RTL4: variants seen among roughly 807,000 people sequenced by gnomAD.
The protein encoded by RTL4 is retrotransposon Gag-like protein 4.
Under a neutral mutation model 5.3 loss-of-function variants are expected in RTL4, and 4 were observed. The ratio of observed to expected loss-of-function variants is 0.75; its 90% CI spans 0.37 to 1.72. The LOEUF (loss-of-function observed/expected upper bound fraction) is 1.72, where lower values mean the gene tolerates loss of function less well. Among genes scored for constraint, RTL4 ranks in the 40% most tolerant of loss-of-function variants. RTL4 has a pLI of 0.04. For synonymous variants in RTL4, 98 were observed against 87.3 expected (o/e 1.12, Z -0.68); for missense variants, 260 against 227.1 (o/e 1.14, Z -0.93).
the RTL4 span, among the ~76,000 whole-genome samples, chrX:112,315,784 T>A: frequency 2.7e-5 from 3 of 112,054 alleles, no homozygotes; most frequent in Non-Finnish European, 3.8e-5. Context: ...GATGCTACAC[T>A]GAGGCATTAC....
chrX:112,361,042 G>A, the RTL4 span, among the ~76,000 whole-genome samples: 39 of 111,350 alleles, frequency 3.5e-4, no homozygotes, highest in Non-Finnish European at 5.9e-4. Flanking sequence ...GGACACATTC[G>A]TAGCACTTCA....
At chrX:112,193,457 T>G in the RTL4 span, among the ~76,000 whole-genome samples, 19 of 111,685 alleles carry the variant, frequency 1.7e-4, no homozygotes, top group African/African-American at 5.8e-4. Context: ...TCTGATGTTT[T>G]GTATGTGATG....
chrX:112,322,836 T>G, the RTL4 span, among the ~76,000 whole-genome samples: 1 of 112,110 alleles, frequency 8.9e-6, no homozygotes, highest in Admixed American at 9.5e-5. Context: ...AGAATACTTC[T>G]GAGAAATATC....
At chrX:112,104,265 T>C in the RTL4 span, among the ~76,000 whole-genome samples, 1 of 112,400 alleles carries the variant, frequency 8.9e-6, no homozygotes, top group East Asian at 2.8e-4. Flanking sequence ...TTCCATTGTG[T>C]ATATATACCA....
chrX:112,128,926 A>G, the RTL4 span, among the ~76,000 whole-genome samples: 2 of 111,657 alleles, frequency 1.8e-5, no homozygotes, highest in Non-Finnish European at 3.8e-5. Context: ...GGAGAAATTT[A>G]TAAATCATAT....
At chrX:112,333,814 CTT>C in the RTL4 span, among the ~76,000 whole-genome samples, 1 of 111,697 alleles carries the variant, frequency 9.0e-6, no homozygotes, top group East Asian at 2.8e-4. Context: ...TAATTACACT[CTT>C]TAAGTTATTT....
chrX:112,397,123 C>T, the RTL4 span, among the ~76,000 whole-genome samples: 2 of 111,706 alleles, frequency 1.8e-5, no homozygotes, highest in African/African-American at 3.3e-5. Flanking sequence ...AGGTGTGGAG[C>T]GTCTACATAC....
At chrX:112,313,640 C>T in the RTL4 span, among the ~76,000 whole-genome samples, 11 of 110,464 alleles carry the variant, frequency 1.0e-4, no homozygotes, top group African/African-American at 3.3e-5. Context: ...CTCTCACTCA[C>T]TCTCTCTCTG....
At chrX:112,119,679 G>A in the RTL4 span, among the ~76,000 whole-genome samples, 1 of 111,815 alleles carries the variant, frequency 8.9e-6, no homozygotes, top group Non-Finnish European at 1.9e-5. Flanking sequence ...GATAAAGGAA[G>A]CAAAGCATTC....
the RTL4 span, among the ~76,000 whole-genome samples, chrX:112,436,081 G>T: frequency 1.8e-5 from 2 of 111,315 alleles, no homozygotes; most frequent in Non-Finnish European, 3.8e-5. Context: ...GCCTGGCATG[G>T]TGGTGTATGC....
At chrX:112,154,779 G>C in the RTL4 span, among the ~76,000 whole-genome samples, 1 of 111,663 alleles carries the variant, frequency 9.0e-6, no homozygotes, top group South Asian at 3.7e-4. Context: ...GATCAGCAAA[G>C]ATGAGAGATT....
chrX:112,175,228 C>A, the RTL4 span, among the ~76,000 whole-genome samples: 4 of 97,878 alleles, frequency 4.1e-5, no homozygotes, highest in African/African-American at 1.5e-4. Context: ...ACGTTTAAGT[C>A]TTTAATCCGT....
At chrX:112,390,172 G>C in the RTL4 span, among the ~76,000 whole-genome samples, 3 of 65,767 alleles carry the variant, frequency 4.6e-5, no homozygotes, top group Non-Finnish European at 8.2e-5. Context: ...TAGGATCGTG[G>C]CCAGGTGCCA....
At chrX:112,108,886 C>G in the RTL4 span, among the ~76,000 whole-genome samples, 11 of 111,357 alleles carry the variant, frequency 9.9e-5, no homozygotes, top group Admixed American at 8.5e-4. Context: ...TCTGAAGGCT[C>G]AGTCTGTGGA....
chrX:112,233,089 C>A, the RTL4 span, among the ~76,000 whole-genome samples: 79 of 111,759 alleles, frequency 7.1e-4, 1 homozygote, highest in African/African-American at 2.4e-3. Flanking sequence ...AACATTCATG[C>A]ATCCTGGTGG....
chrX:112,359,805 C>A, the RTL4 span, among the ~76,000 whole-genome samples: 1 of 111,170 alleles, frequency 9.0e-6, no homozygotes, highest in East Asian at 2.9e-4. Context: ...GCCACTTTCC[C>A]AGGTGCCACA....
At chrX:112,408,087 A>G in the RTL4 span, among the ~76,000 whole-genome samples, 6 of 111,715 alleles carry the variant, frequency 5.4e-5, no homozygotes, top group South Asian at 2.3e-3. Context: ...TTCAATGACT[A>G]GAAACTAACA....
At chrX:112,390,600 T>A in the RTL4 span, among the ~76,000 whole-genome samples, 6 of 110,979 alleles carry the variant, frequency 5.4e-5, no homozygotes, top group Non-Finnish European at 1.1e-4. Context: ...GATTTTTTTT[T>A]AAGAATGTTG....
At chrX:112,261,726 C>T in the RTL4 span, among the ~76,000 whole-genome samples, 5 of 111,993 alleles carry the variant, frequency 4.5e-5, no homozygotes, top group African/African-American at 1.6e-4. Flanking sequence ...AAAGAGGCCA[C>T]ATTGCCAAGT....
Sources: allele counts gnomAD v4.1 joint callset (sites outside exome capture counted in the v4.1 genomes callset), GRCh38; gene constraint gnomAD v4.1.1; transcripts MANE v1.5; gene names NCBI Gene and HGNC (gene_info 2026-07-23, HGNC 2026-07-21).